Variants in CTNNA2 observed in about 807,000 individuals in gnomAD.
The protein encoded by CTNNA2 is catenin alpha 2.
A neutral mutation model predicts 101.0 loss-of-function variants in CTNNA2; 42 were observed. The ratio of observed to expected loss-of-function variants is 0.42; its 90% CI spans 0.32 to 0.54. CTNNA2 has a LOEUF of 0.54. CTNNA2 is among the 20% of genes least tolerant of loss of function. The pLI is 0.14. For synonymous variants in CTNNA2, 450 were observed against 456.4 expected (o/e 0.99, Z 0.18); for missense variants, 871 against 1,223.1 (o/e 0.71, Z 4.29).
intron 7 of CTNNA2, among the ~76,000 whole-genome samples, chr2:80,074,193 A>T (rs555673714): frequency 6.6e-6 from 1 of 152,304 alleles, no homozygotes; most frequent in Admixed American, 6.5e-5. Context: ...CTAAGCTTAT[A>T]GATTGGTTTT....
intron 4 of CTNNA2, among the ~76,000 whole-genome samples, chr2:79,859,505 C>T (rs1271917281): frequency 1.3e-5 from 2 of 152,180 alleles, no homozygotes; most frequent in Non-Finnish European, 2.9e-5. Context: ...CAAATTCCAA[C>T]ACCTGCAGCC....
chr2:80,170,148 CT>C (rs1558870862), intron 7 of CTNNA2, among the ~76,000 whole-genome samples: 1 of 151,444 alleles, frequency 6.6e-6, no homozygotes, highest in African/African-American at 2.4e-5. Context: ...TTTTGTTTTT[CT>C]TTTTATAATG....
chr2:79,705,235 G>T (rs1685277002), intron 2 of CTNNA2, among the ~76,000 whole-genome samples: 1 of 152,040 alleles, frequency 6.6e-6, no homozygotes, highest in Admixed American at 6.5e-5. Context: ...CCTTATCCCT[G>T]GTTTCACTTG....
intron 3 of CTNNA2, among the ~76,000 whole-genome samples, chr2:79,352,232 G>A (rs1226277417): frequency 6.6e-6 from 1 of 151,704 alleles, no homozygotes; most frequent in African/African-American, 2.4e-5. Flanking sequence ...TTTCTGGTTG[G>A]TAGGTTTTTT....
chr2:80,054,378 C>G (rs896636858), intron 7 of CTNNA2, among the ~76,000 whole-genome samples: 14 of 152,198 alleles, frequency 9.2e-5, no homozygotes, highest in African/African-American at 3.4e-4. Flanking sequence ...GAGGTTGTTA[C>G]AGAGTGAATT....
intron 7 of CTNNA2, among the ~76,000 whole-genome samples, chr2:80,080,161 G>C (rs1239442808): frequency 6.6e-6 from 1 of 152,050 alleles, no homozygotes. Flanking sequence ...AAGTGTGGCT[G>C]GTACAAACCA....
intron 7 of CTNNA2, among the ~76,000 whole-genome samples, chr2:80,319,270 A>G (rs768402986): frequency 1.1e-4 from 17 of 152,196 alleles, no homozygotes; most frequent in Non-Finnish European, 2.9e-5. Flanking sequence ...CCAATTTGGA[A>G]TATAATTACC....
chr2:79,565,946 G>T (rs1675085340), intron 1 of CTNNA2, among the ~76,000 whole-genome samples: 1 of 151,916 alleles, frequency 6.6e-6, no homozygotes, highest in Non-Finnish European at 1.5e-5. Context: ...GAGCCCTGAG[G>T]ATCTTTAACA....
chr2:80,555,710 G>A lies in CTNNA2; in HGVS notation c.1558G>A (p.Asp520Asn). 6.5e-7 allele frequency: 1 copy of A among 1,541,838 alleles called. No homozygotes were observed. The highest frequency in any genetic ancestry group is 8.8e-7 in the Non-Finnish European group (1 of 1,142,856). ...CTCCATAGAAAATCACATCTTGGAG[G>A]ATGTGAACAAGTGTGTGATAGCCCT... ...LSVSENHILE[D>N]VNKCVIALQE... Residue 520 changes from aspartate (D) to asparagine (N), a missense_variant, in exon 12 of 19, where the codon GAT (aspartate) becomes AAT (asparagine). Transcript: ENST00000402739.
intron 7 of CTNNA2, among the ~76,000 whole-genome samples, chr2:80,333,282 C>T (rs551731226): frequency 1.3e-5 from 2 of 152,262 alleles, no homozygotes; most frequent in Non-Finnish European, 2.9e-5. Context: ...CCCTTACCTA[C>T]TTACCCATTT....
chr2:80,541,153 G>A (rs1022208190), intron 9 of CTNNA2, among the ~76,000 whole-genome samples: 6 of 152,212 alleles, frequency 3.9e-5, no homozygotes, highest in African/African-American at 1.2e-4. Context: ...AAAAGGGAAG[G>A]TAGGGATTTG....
At chr2:80,382,194 A>G (rs745958523) in intron 7 of CTNNA2, among the ~76,000 whole-genome samples, 9 of 152,200 alleles carry the variant, frequency 5.9e-5, no homozygotes, top group Non-Finnish European at 7.3e-5. Context: ...TAGCTAGAAT[A>G]CTATTTCATT....
chr2:79,684,604 A>G (rs560883605), intron 2 of CTNNA2, among the ~76,000 whole-genome samples: 1 of 152,306 alleles, frequency 6.6e-6, no homozygotes, highest in African/African-American at 2.4e-5. Context: ...CAAGACAGTT[A>G]TTTTCATGAA....
chr2:80,109,629 A>G (rs1558817601), intron 7 of CTNNA2, among the ~76,000 whole-genome samples: 2 of 152,156 alleles, frequency 1.3e-5, no homozygotes, highest in Non-Finnish European at 2.9e-5. Context: ...GTACAGCATA[A>G]TGTTCTCTGC....
intron 9 of CTNNA2, among the ~76,000 whole-genome samples, chr2:80,519,678 G>C (rs1016230155): frequency 6.6e-6 from 1 of 152,112 alleles, no homozygotes; most frequent in Non-Finnish European, 1.5e-5. Context: ...TTATTCAAAG[G>C]CTGACTTTTC....
chr2:79,200,018 G>A (rs374975598), intron 2 of CTNNA2, among the ~76,000 whole-genome samples: 39 of 144,206 alleles, frequency 2.7e-4, no homozygotes, highest in Admixed American at 1.1e-3. Flanking sequence ...CAATTGAGAC[G>A]TAGAGAATGA....
chr2:80,062,726 G>A (rs1244981000), intron 7 of CTNNA2, among the ~76,000 whole-genome samples: 41 of 119,590 alleles, frequency 3.4e-4, no homozygotes, highest in African/African-American at 1.4e-3. Flanking sequence ...TTTTTTTTGA[G>A]ATGGAGTCTC....
chr2:79,929,039 C>G (rs1046339017), intron 7 of CTNNA2, among the ~76,000 whole-genome samples: 1 of 152,110 alleles, frequency 6.6e-6, no homozygotes, highest in Non-Finnish European at 1.5e-5. Flanking sequence ...CATGTGTTTA[C>G]TAAATACAAG....
intron 3 of CTNNA2, among the ~76,000 whole-genome samples, chr2:79,362,748 A>C (rs989900405): frequency 1.6e-4 from 25 of 152,336 alleles, no homozygotes; most frequent in Admixed American, 5.2e-4. Flanking sequence ...TGGTGACCCC[A>C]ACATTTCTGA....
Sources: gnomAD v4.1 joint callset for allele counts (sites outside exome capture counted in the v4.1 genomes callset) on GRCh38, gnomAD v4.1.1 for gene constraint, MANE v1.5 for transcripts, NCBI Gene and HGNC (gene_info 2026-07-23, HGNC 2026-07-21) for gene names.